The following HECW1 variants were observed in gnomAD, a reference collection of about 807,000 sequenced individuals.
HECW1 encodes the protein E3 ubiquitin-protein ligase HECW1.
Under a neutral mutation model 182.3 loss-of-function variants are expected in HECW1, and 61 were observed. The ratio of observed to expected loss-of-function variants is 0.33; its 90% CI spans 0.27 to 0.41. The LOEUF (loss-of-function observed/expected upper bound fraction) is 0.41, where lower values mean the gene tolerates loss of function less well. Among genes scored for constraint, HECW1 ranks in the 10% least tolerant of loss-of-function variants. The pLI is 1.00. For missense variants in HECW1, 1,739 were observed against 2,108.9 expected (o/e 0.82, Z 3.44); for synonymous variants, 859 against 832.6 (o/e 1.03, Z -0.55).
intron 17 of HECW1, among the ~76,000 whole-genome samples, chr7:43,489,093 GA>G (rs2078831969): frequency 1.3e-5 from 2 of 152,164 alleles, no homozygotes; most frequent in Admixed American, 1.3e-4. Context: ...GTGATGCCCT[GA>G]CAGTTAGACA....
Position 43,456,340 on chromosome 7 carries a change from G to A in HECW1, c.2544G>A (p.Val848=), listed in dbSNP as rs2077401872. 1 of 1,613,688 alleles carries A rather than the reference G, an allele frequency of 6.2e-7. No homozygotes were observed. Among genetic ancestry groups the A allele is most frequent in the Admixed American group, 1.7e-5 (1 of 59,958 alleles). ...RIDSHGRVFY[V]DHVNRTTTWQ... ...ACAGCCACGGGCGGGTCTTTTATGTGGACCACGTGAACCGCACAACCACCT... is the reference window on the plus strand; with the variant it reads ...ACAGCCACGGGCGGGTCTTTTATGTAGACCACGTGAACCGCACAACCACCT... The change falls in exon 13 of 30, where the codon GTG becomes GTA. Residue 848 remains valine, a synonymous_variant. Transcript: ENST00000395891.
In HECW1 at chr7:43,446,339, G is replaced by T. The variant is rs1424226345; in HGVS notation, c.2398+769G>T. ...TAGTCATGCCTGTGGAATTATATGT[G>T]AAATTAATTTGCATTTCCTTATCCA... On this transcript the variant is annotated intron_variant, in intron 11 of 29. Transcript: ENST00000395891. Among the ~76,000 whole-genome samples, 8 of 152,304 alleles carry T rather than the reference G, an allele frequency of 5.3e-5. No individual in the cohort carries two copies. In the East Asian group the frequency reaches 1.5e-3, roughly 29 times the overall value.
At chr7:43,119,141 T>C (rs1270899569) in intron 2 of HECW1, 3 of 152,394 alleles carry the variant, frequency 2.0e-5, no homozygotes, top group African/African-American at 7.2e-5. Flanking sequence ...TTGAAGCTAC[T>C]TTTGTGTTTC....
chr7:43,451,119 A>G (rs2196149), intron 12 of HECW1, among the ~76,000 whole-genome samples, 190 bp downstream of exon 12: 90,626 of 152,028 alleles, frequency 0.6, 27,347 homozygotes, highest in South Asian at 0.72. Flanking sequence ...TTTTTGACTA[A>G]TAGTTTCACC....
intron 29 of HECW1, among the ~76,000 whole-genome samples, chr7:43,558,508 G>A (rs184600301): frequency 2.1e-3 from 314 of 152,252 alleles, no homozygotes; most frequent in Non-Finnish European, 2.5e-3. Flanking sequence ...CTCTTCCCCC[G>A]CAAGAGGCAG....
Position 43,243,809 on chromosome 7 carries a change from G to A in HECW1, c.-31-66G>A. 8.4e-7 allele frequency: 1 copy of A among 1,195,578 alleles called. No homozygotes were observed. The highest frequency in any genetic ancestry group is 1.3e-6 in the Non-Finnish European group (1 of 798,340). 74.1% of individuals were successfully genotyped at this position (1,195,578 alleles called of 1,614,324 possible). The stretch of plus-strand genomic sequence containing the variant: ...TGGGGGAAACAATGTTGTTTGTGTG[G>A]GTAATGTTGCTGATTTTGTTTGCTT... On this transcript the variant is annotated intron_variant, in intron 2 of 29. Coordinates refer to ENST00000395891, the MANE Select transcript of HECW1 (RefSeq NM_015052.5). This position sits in a 1 kb window ranked among gnomAD's most constrained non-coding sequence, Gnocchi z 4.0.
At chr7:43,275,291 A>C (rs928080597) in intron 3 of HECW1, among the ~76,000 whole-genome samples, 1 of 152,220 alleles carries the variant, frequency 6.6e-6, no homozygotes, top group East Asian at 1.9e-4. Context: ...AATCTCTCAT[A>C]ACATAATGTT....
chr7:43,320,800 G>T, intron 5 of HECW1, 58 bp downstream of exon 5: 1 of 1,293,468 alleles, frequency 7.7e-7, no homozygotes, highest in Non-Finnish European at 1.1e-6. Flanking sequence ...GAATTCAACT[G>T]TTTCATTATT....
intron 18 of HECW1, among the ~76,000 whole-genome samples, chr7:43,492,578 A>G (rs2078972258): frequency 1.3e-5 from 2 of 152,248 alleles, no homozygotes; most frequent in East Asian, 1.9e-4. Context: ...TGCAGTGTCC[A>G]TTCCTAACTT....
At chr7:43,370,508 C>T (rs1817198492) in intron 6 of HECW1, among the ~76,000 whole-genome samples, 1 of 152,172 alleles carries the variant, frequency 6.6e-6, no homozygotes. Context: ...TGGTATTCAC[C>T]CAACGGAGTT....
intron 6 of HECW1, among the ~76,000 whole-genome samples, chr7:43,391,041 C>T (rs1337222464): frequency 6.6e-6 from 1 of 152,072 alleles, no homozygotes; most frequent in Non-Finnish European, 1.5e-5. Flanking sequence ...AAGGAACTCC[C>T]CAAACCTTTA....
At chr7:43,488,747 T>G (rs74848841) in intron 17 of HECW1, among the ~76,000 whole-genome samples, 1 of 152,168 alleles carries the variant, frequency 6.6e-6, no homozygotes, top group African/African-American at 2.4e-5. Context: ...GAAGGGCGTT[T>G]CCATCCAATC....
At chr7:43,218,213 A>G (rs560976445) in intron 2 of HECW1, among the ~76,000 whole-genome samples, 1 of 152,234 alleles carries the variant, frequency 6.6e-6, no homozygotes. Flanking sequence ...TGTAAGATAT[A>G]TTTAGATCAC....
At chr7:43,488,484 GAAAGAGAA>G (rs1480996080) in intron 17 of HECW1, among the ~76,000 whole-genome samples, 16 of 147,180 alleles carry the variant, frequency 1.1e-4, no homozygotes, top group Admixed American at 3.4e-4. Context: ...AAGAAAGAAA[GAAAGAGAA>G]AGAAAGAAAG....
rs2077014492 is a variant in HECW1, at chr7:43,445,260, G to A, written c.2088G>A (p.Ser696=). The change falls in exon 11 of 30, where the codon TCG becomes TCA. Residue 696 remains serine, a synonymous_variant. Transcript: ENST00000395891. ...SCYSTSCYSS[S]CYSASCYSPS... is the part of the protein sequence containing the mutation. ...ACAGCACGTCCTGCTACAGCAGCTC[G>A]TGCTACAGCGCCTCGTGCTACAGCC... 5.6e-6 allele frequency: 9 copies of A among 1,612,768 alleles called. No individual in the cohort carries two copies. Among genetic ancestry groups the A allele is most frequent in the Non-Finnish European group, 7.6e-6 (9 of 1,179,148 alleles).
chr7:43,216,434 G>A (rs185749350), intron 2 of HECW1, among the ~76,000 whole-genome samples: 100 of 151,970 alleles, frequency 6.6e-4, no homozygotes, highest in African/African-American at 2.2e-3. Context: ...GTGTGCCACC[G>A]CATGCCAGCC....
chr7:43,429,830 A>G (rs1158255129), intron 8 of HECW1, among the ~76,000 whole-genome samples: 1 of 152,082 alleles, frequency 6.6e-6, no homozygotes, highest in Non-Finnish European at 1.5e-5. Flanking sequence ...TGTGAATGAA[A>G]CCTGTTTTTC....
intron 6 of HECW1, among the ~76,000 whole-genome samples, chr7:43,369,307 A>G (rs1361903419): frequency 6.6e-6 from 1 of 151,916 alleles, no homozygotes; most frequent in East Asian, 1.9e-4. Flanking sequence ...AAAAATACAA[A>G]ATTTGCCGGG....
chr7:43,514,459 T>G lies in HECW1; in HGVS notation c.4019+5338T>G, dbSNP rs190824254. On this transcript the variant is annotated intron_variant, in intron 24 of 29. Transcript: ENST00000395891. ...ACATGCCACCACGCCCAGCTAATTT[T>G]TGTATTTTTAGTAGAGACGGGGTTT... is the stretch of plus-strand genomic sequence containing the variant. Among the ~76,000 whole-genome samples the G allele has an allele frequency of 2.8e-3, 427 of 152,204 alleles. 2 individuals carry two copies. The highest frequency in any genetic ancestry group is 9.7e-3 in the African/African-American group (401 of 41,520).
Sources: gnomAD v4.1 joint callset for allele counts (sites outside exome capture counted in the v4.1 genomes callset) on GRCh38, gnomAD v4.1.1 for gene constraint, Gnocchi (gnomAD v3.1) non-coding constraint, MANE v1.5 for transcripts, NCBI Gene and HGNC (gene_info 2026-07-23, HGNC 2026-07-21) for gene names.